Variants in SLC17A9 observed in about 807,000 individuals in gnomAD.
SLC17A9 encodes solute carrier family 17 member 9.
Under a neutral mutation model 55.0 loss-of-function variants are expected in SLC17A9, and 49 were observed. That is an observed-to-expected ratio of 0.89 (90% CI 0.71 to 1.13). The LOEUF is 1.13. SLC17A9 is among the 50% of genes most tolerant of loss of function. The pLI is 0.00. For missense variants in SLC17A9, 526 were observed against 569.3 expected (o/e 0.92, Z 0.77); for synonymous variants, 256 against 247.4 (o/e 1.03, Z -0.32).
chr20:62,955,763 C>T (rs758502137), intron 1 of SLC17A9, among the ~76,000 whole-genome samples: 20 of 152,198 alleles, frequency 1.3e-4, no homozygotes, highest in Admixed American at 2.6e-4. Context: ...AACAGGGCTG[C>T]GGGTATCAAC....
At chr20:62,961,354 G>A (rs1429035697) in intron 4 of SLC17A9, among the ~76,000 whole-genome samples, 1 of 151,150 alleles carries the variant, frequency 6.6e-6, no homozygotes, top group African/African-American at 2.4e-5. Context: ...TCCTCAGGGT[G>A]GGCCTATCAG....
At chr20:62,964,136 TG>T in intron 7 of SLC17A9, 91 bp from the exon 8 acceptor site, 1 of 1,296,378 alleles carries the variant, frequency 7.7e-7, no homozygotes, top group Non-Finnish European at 1.1e-6. Context: ...TGGGCAGTGG[TG>T]GGCACGGGGG....
rs1302391211 is a variant in SLC17A9, at chr20:62,966,702, G to A, written c.1118-1G>A. 1 of 1,613,466 alleles carries A rather than the reference G, an allele frequency of 6.2e-7. No homozygotes were observed. The highest frequency in any genetic ancestry group is 1.3e-5 in the African/African-American group (1 of 75,024). Reference sequence around the variant, plus strand: ...TCTCTCTCGCTCTGGCCTCTTCACAGGTGTGGCCAACACAGCCGGGGCCTT... The same window carrying A: ...TCTCTCTCGCTCTGGCCTCTTCACAAGTGTGGCCAACACAGCCGGGGCCTT... On this transcript the variant is annotated splice_acceptor_variant, in intron 11 of 12. Transcript: ENST00000370351. LOFTEE classifies it high-confidence loss of function.
intron 12 of SLC17A9, chr20:62,967,047 C>G: frequency 1.7e-6 from 1 of 576,334 alleles, no homozygotes; most frequent in South Asian, 2.3e-5. Flanking sequence ...TTCTTCAGCT[C>G]AGCCTCGCCT....
In SLC17A9 at chr20:62,958,702, CTT is replaced by C. The variant is rs1423573283; in HGVS notation, c.397+1124_397+1125del. Among the ~76,000 whole-genome samples the C allele has an allele frequency of 1.3e-5, 2 of 152,212 alleles. No individual in the cohort carries two copies. Among genetic ancestry groups the C allele is most frequent in the East Asian group, 1.9e-4 (1 of 5,196 alleles). Reference sequence around the variant, plus strand: ...CCTCCCTCTCCTCCAAGTCCAGAGACTTTGGGGAGTTCACTCCCAGGCCTCGT... The same window carrying C: ...CCTCCCTCTCCTCCAAGTCCAGAGACTGGGGAGTTCACTCCCAGGCCTCGT... On this transcript the variant is annotated intron_variant, in intron 3 of 12. Transcript: ENST00000370351. This position sits in a 1 kb window ranked among gnomAD's most constrained non-coding sequence, Gnocchi z 4.1.
rs892580721 is a variant in SLC17A9 at position 62,960,546 on chromosome 20, T to G, written c.440T>G (p.Val147Gly). The change falls in exon 4 of 13, where the codon GTG becomes GGG. Residue 147 changes from valine (V) to glycine (G), a missense_variant. Physicochemically the swap from Val to Gly is moderately radical, Grantham distance 109. Transcript: ENST00000370351. ...PALTSLLSQK[V>G]RESERAFTYS... ...CTGACCAGCCTGCTGTCGCAGAAGG[T>G]GCGGGAGAGTGAGCGAGCCTTCACC... is the stretch of plus-strand genomic sequence containing the variant. The G allele has an allele frequency of 6.2e-7, 1 of 1,613,612 alleles. No individual in the cohort carries two copies. Among genetic ancestry groups the G allele is most frequent in the African/African-American group, 1.3e-5 (1 of 75,070 alleles).
At chr20:62,960,374 C>T in intron 3 of SLC17A9, 130 bp from the exon 4 acceptor site, 1 of 797,898 alleles carries the variant, frequency 1.3e-6, no homozygotes, top group Non-Finnish European at 2.0e-6. Context: ...CCCTGCTGGT[C>T]CCTCGGGTGG....
chr20:62,960,639 C>T, intron 4 of SLC17A9, 36 bp downstream of exon 4: 1 of 1,581,190 alleles, frequency 6.3e-7, no homozygotes, highest in South Asian at 1.1e-5. Context: ...CAGGAGAGGC[C>T]ACCAGGTGAG....
Position 62,962,873 on chromosome 20 carries a change from A to G in SLC17A9, c.628+119A>G. Reference sequence around the variant, plus strand: ...CCGGAGACGATGGCTTTGACCTCCCAAAGAATCCGCCAGTGAGGAAAAGCG... The same window carrying G: ...CCGGAGACGATGGCTTTGACCTCCCGAAGAATCCGCCAGTGAGGAAAAGCG... On this transcript the variant is annotated intron_variant, in intron 5 of 12. Transcript: ENST00000370351. This position sits in a 1 kb window ranked among gnomAD's most constrained non-coding sequence, Gnocchi z 5.5. 5 of 1,436,828 alleles carry G rather than the reference A, an allele frequency of 3.5e-6. No individual in the cohort carries two copies. The highest frequency in any genetic ancestry group is 4.7e-6 in the Non-Finnish European group (5 of 1,067,234). 89.0% of individuals were successfully genotyped at this position (1,436,828 alleles called of 1,614,324 possible).
intron 1 of SLC17A9, among the ~76,000 whole-genome samples, chr20:62,954,381 C>T (rs948595112): frequency 2.6e-5 from 4 of 152,366 alleles, no homozygotes; most frequent in East Asian, 1.9e-4. Context: ...GGCCCGGCCC[C>T]GCACAGTTCC....
chr20:62,957,513 C>T lies in SLC17A9; in HGVS notation c.330C>T (p.Leu110=), dbSNP rs76379118. The T allele has an allele frequency of 0.061, 98,541 of 1,610,046 alleles. 3,380 individuals are homozygous for T. Among genetic ancestry groups the T allele is most frequent in the Non-Finnish European group, 0.069 (81,863 of 1,178,766 alleles). ...CCATCACGGCCGTCACCCCACTGCT[C>T]GCCCACCTGAGCAGTGCCCACCTGG... ...WGSITAVTPL[L]AHLSSAHLAF... is the part of the protein sequence containing the mutation. Residue 110 remains leucine (L), a synonymous_variant, in exon 3 of 13, where the codon CTC becomes CTT. Transcript: ENST00000370351.
intron 6 of SLC17A9, 52 bp downstream of exon 6, chr20:62,963,421 TGGG>T (rs757972294): frequency 3.2e-6 from 5 of 1,584,152 alleles, no homozygotes; most frequent in Non-Finnish European, 4.3e-6. Context: ...CCGGTGACCA[TGGG>T]GGTGTGAACC....
intron 10 of SLC17A9, 128 bp downstream of exon 10, chr20:62,965,853 G>A: frequency 1.2e-6 from 1 of 855,786 alleles, no homozygotes. Flanking sequence ...TTCCCAAGCT[G>A]CTGGGCAGTG....
intron 8 of SLC17A9, among the ~76,000 whole-genome samples, chr20:62,964,717 G>A (rs145812958): frequency 2.6e-5 from 4 of 152,354 alleles, no homozygotes; most frequent in Non-Finnish European, 4.4e-5. Context: ...ACGTACAGGC[G>A]GATGCACACG....
At chr20:62,965,189 T>A in intron 9 of SLC17A9, 23 bp downstream of exon 9, 2 of 1,614,044 alleles carry the variant, frequency 1.2e-6, no homozygotes, top group Non-Finnish European at 1.7e-6. Context: ...TTCCGGTCGT[T>A]CTCTCTGGAT....
rs2065601076 is a variant in SLC17A9, at chr20:62,962,859, G to A, written c.628+105G>A. On this transcript the variant is annotated intron_variant, in intron 5 of 12. Coordinates refer to ENST00000370351, the MANE Select transcript of SLC17A9 (RefSeq NM_022082.4). The surrounding 1 kb of genome is among the most constrained non-coding windows in gnomAD (Gnocchi z 5.5). ...CCTGGAGCAGGAGCCCGGAGACGATGGCTTTGACCTCCCAAAGAATCCGCC... is the reference window on the plus strand; with the variant it reads ...CCTGGAGCAGGAGCCCGGAGACGATAGCTTTGACCTCCCAAAGAATCCGCC... The A allele has an allele frequency of 6.1e-6, 9 of 1,484,398 alleles. No homozygotes were observed. The highest frequency in any genetic ancestry group is 8.2e-6 in the Non-Finnish European group (9 of 1,103,794). 92.0% of individuals were successfully genotyped at this position (1,484,398 alleles called of 1,614,324 possible).
intron 9 of SLC17A9, 33 bp from the exon 10 acceptor site, chr20:62,965,577 G>A: frequency 6.3e-7 from 1 of 1,596,116 alleles, no homozygotes; most frequent in Non-Finnish European, 8.5e-7. Flanking sequence ...GGCGGGCTGG[G>A]TGCCTCTCCG....
chr20:62,965,306 G>A (rs2065625755), intron 9 of SLC17A9, 140 bp downstream of exon 9: 8 of 1,127,602 alleles, frequency 7.1e-6, no homozygotes, highest in Admixed American at 1.9e-5. Flanking sequence ...CCAGCACTGG[G>A]GCCCAGAAGG....
In SLC17A9 at chr20:62,952,868, C is replaced by T. The variant is rs2065502161; in HGVS notation, c.38C>T (p.Ala13Val). The change falls in exon 1 of 13, where the codon GCC becomes GTC. Residue 13 changes from alanine to valine, a missense_variant. Transcript: ENST00000370351. Reference sequence around the variant, plus strand: ...CCAGACGAGGCCCGCAGGGACATGGCCGGGGACACCCAGTGGTCCAGGTGT... The same window carrying T: ...CCAGACGAGGCCCGCAGGGACATGGTCGGGGACACCCAGTGGTCCAGGTGT... The part of the protein sequence containing the change: ...PPPDEARRDM[A>V]GDTQWSRPEC... 1.6e-6 allele frequency: 2 copies of T among 1,277,560 alleles called. No individual in the cohort carries two copies. Among genetic ancestry groups the T allele is most frequent in the Non-Finnish European group, 2.0e-6 (2 of 986,454 alleles). The allele number at this position is 1,277,560 out of a possible 1,614,324, so 79.1% of individuals were successfully genotyped here.
Sources: allele counts gnomAD v4.1 joint callset (sites outside exome capture counted in the v4.1 genomes callset), GRCh38; gene constraint gnomAD v4.1.1; non-coding constraint Gnocchi (gnomAD v3.1); transcripts MANE v1.5; gene names NCBI Gene and HGNC (gene_info 2026-07-23, HGNC 2026-07-21).